The following BTLA variants were observed in gnomAD, a reference collection of about 807,000 sequenced individuals.
The protein encoded by BTLA is B and T lymphocyte associated.
Under a neutral mutation model 25.0 loss-of-function variants are expected in BTLA, and 11 were observed. The ratio of observed to expected loss-of-function variants is 0.44; its 90% confidence interval spans 0.28 to 0.73. The LOEUF is 0.73. Among genes scored for constraint, BTLA ranks in the 30% least tolerant of loss-of-function variants. The probability of loss-of-function intolerance (pLI) is 0.15; values close to 1 mark genes in which losing one functional copy is unlikely to be tolerated. For missense variants in BTLA, 282 were observed against 332.8 expected (o/e 0.85, Z 1.19); for synonymous variants, 104 against 119.8 (o/e 0.87, Z 0.86).
At position 112,479,607 on chromosome 3, in the gene BTLA, T is replaced by A. The variant is rs576114815; in HGVS notation, c.251A>T (p.Asp84Val). The A allele has an allele frequency of 6.2e-7, 1 of 1,614,162 alleles. No homozygotes were observed. The highest frequency in any genetic ancestry group is 1.1e-5 in the South Asian group (1 of 91,088). ...CTCTTCCTTCCAACTTGTTTGTCTATCTTCAAGTTTTACACATGTTGTTCC... is the reference window on the plus strand; with the variant it reads ...CTCTTCCTTCCAACTTGTTTGTCTAACTTCAAGTTTTACACATGTTGTTCC... The part of the protein sequence containing the change: ...LNGTTCVKLE[D>V]RQTSWKEEKN... Residue 84 changes from aspartate (D) to valine (V), a missense_variant, in exon 2 of 5, where the codon GAT becomes GTT. Transcript: ENST00000334529.
chr3:112,467,789 C>A (rs1177255070), intron 4 of BTLA, among the ~76,000 whole-genome samples: 2 of 152,208 alleles, frequency 1.3e-5, no homozygotes, highest in African/African-American at 4.8e-5. Flanking sequence ...CTGAAAAGAG[C>A]CTGGTTGAGG....
chr3:112,473,611 CTTTTTTTTTTT>C (rs777897332), intron 2 of BTLA, among the ~76,000 whole-genome samples: 1 of 115,154 alleles, frequency 8.7e-6, no homozygotes, highest in Non-Finnish European at 1.7e-5. Context: ...TTTTCTTCTT[CTTTTTTTTTTT>C]TTTTTTTTTT....
Position 112,479,787 on chromosome 3 carries a change from A to T in BTLA, c.89-18T>A, listed in dbSNP as rs375431722. 8.6e-5 allele frequency: 132 copies of T among 1,539,764 alleles called. No homozygotes were observed. Among genetic ancestry groups the T allele is most frequent in the Non-Finnish European group, 1.1e-4 (120 of 1,134,950 alleles). ...TTCTTTCCCTAAAAGATAAAAACAAAACTAAAATCAAATATGTTCTTCTGG... is the reference window on the plus strand; with the variant it reads ...TTCTTTCCCTAAAAGATAAAAACAATACTAAAATCAAATATGTTCTTCTGG... On this transcript the variant is annotated intron_variant, in intron 1 of 4. Coordinates refer to ENST00000334529, the MANE Select transcript of BTLA (RefSeq NM_181780.4).
At position 112,465,821 on chromosome 3, in the gene BTLA, T is replaced by C. The variant is rs561709388; in HGVS notation, c.*287A>G. The C allele has an allele frequency of 7.8e-6, 2 of 256,704 alleles. No individual in the cohort carries two copies. Among genetic ancestry groups the C allele is most frequent in the East Asian group, 1.5e-4 (2 of 13,708 alleles). 15.9% of individuals were successfully genotyped at this position (256,704 alleles called of 1,614,324 possible). ...GGCAAGATCGAGTTTGTATATTGGG[T>C]AAAATGTAGCTAAGTTTAAACGTTC... is the stretch of plus-strand genomic sequence containing the variant. On this transcript the variant is annotated 3_prime_UTR_variant, in exon 5 of 5. Transcript: ENST00000334529.
At chr3:112,472,883 C>A (rs1218707389) in intron 2 of BTLA, among the ~76,000 whole-genome samples, 2 of 151,928 alleles carry the variant, frequency 1.3e-5, no homozygotes, top group African/African-American at 4.8e-5. Context: ...AAACCACTGC[C>A]AGGAGTGCCA....
intron 1 of BTLA, among the ~76,000 whole-genome samples, chr3:112,490,639 AC>A (rs2082375047): frequency 6.8e-6 from 1 of 147,234 alleles, no homozygotes; most frequent in Non-Finnish European, 1.5e-5. Flanking sequence ...ACACACACAC[AC>A]AATGTAAAAT....
chr3:112,469,876 T>C, intron 3 of BTLA, 72 bp from the exon 4 acceptor site: 1 of 1,253,910 alleles, frequency 8.0e-7, no homozygotes, highest in Non-Finnish European at 1.1e-6. Context: ...TTGCCACCCA[T>C]GCTTATCCTG....
At chr3:112,487,297 G>A (rs977398242) in intron 1 of BTLA, among the ~76,000 whole-genome samples, 1 of 152,144 alleles carries the variant, frequency 6.6e-6, no homozygotes, top group South Asian at 2.1e-4. Flanking sequence ...TAATTAAAAG[G>A]AAACCGGCCG....
At chr3:112,484,172 CA>C (rs1339059870) in intron 1 of BTLA, among the ~76,000 whole-genome samples, 1 of 152,062 alleles carries the variant, frequency 6.6e-6, no homozygotes, top group Non-Finnish European at 1.5e-5. Context: ...CCAGGAATCT[CA>C]TGATAGATTT....
Position 112,466,164 on chromosome 3 carries a change from C to T in BTLA, c.814G>A (p.Ala272Thr), listed in dbSNP as rs1466721971. 26 of 1,610,924 alleles carry T rather than the reference C, an allele frequency of 1.6e-5. No individual in the cohort carries two copies. Among genetic ancestry groups the T allele is most frequent in the Non-Finnish European group, 2.2e-5 (26 of 1,177,646 alleles). ...HSVIGPNSRL[A>T]RNVKEAPTEY... The stretch of plus-strand genomic sequence containing the variant: ...GTTGGTGCTTCTTTTACATTTCTTG[C>T]CAGTCTTGAGTTCGGTCCAATGACA... The change falls in exon 5 of 5, where the codon GCA (alanine) becomes ACA (threonine). Residue 272 changes from alanine to threonine, a missense_variant. Physicochemically the swap from Ala to Thr is moderately conservative, Grantham distance 58 (BLOSUM62 0). This residue lies in a region of BTLA where 119 missense variants were observed against 102.3 expected (regional missense o/e 1.16). Coordinates refer to ENST00000334529, the MANE Select transcript of BTLA (RefSeq NM_181780.4).
At chr3:112,473,735 C>T (rs2082275197) in intron 2 of BTLA, among the ~76,000 whole-genome samples, 1 of 151,560 alleles carries the variant, frequency 6.6e-6, no homozygotes, top group Non-Finnish European at 1.5e-5. Context: ...CTGCTTCAGC[C>T]TCCTGAGTAG....
intron 2 of BTLA, among the ~76,000 whole-genome samples, chr3:112,476,086 C>A (rs1036689533): frequency 2.0e-5 from 3 of 152,110 alleles, no homozygotes; most frequent in Non-Finnish European, 4.4e-5. Flanking sequence ...ATTTAGTGAG[C>A]CCCTACCATG....
intron 2 of BTLA, among the ~76,000 whole-genome samples, chr3:112,478,551 A>G (rs913445835): frequency 3.9e-5 from 6 of 152,156 alleles, no homozygotes; most frequent in Non-Finnish European, 8.8e-5. Flanking sequence ...TTTTCTACAC[A>G]TAAGTTCATG....
intron 2 of BTLA, among the ~76,000 whole-genome samples, chr3:112,474,166 C>T (rs1288769111): frequency 3.3e-5 from 5 of 152,194 alleles, no homozygotes; most frequent in African/African-American, 9.6e-5. Context: ...AAGAAAGTCA[C>T]TTATAAAAAC....
intron 2 of BTLA, among the ~76,000 whole-genome samples, chr3:112,475,058 G>A (rs2082281793): frequency 6.6e-6 from 1 of 152,226 alleles, no homozygotes; most frequent in Admixed American, 6.5e-5. Context: ...AAGACAAAGA[G>A]TCCAATCATA....
chr3:112,492,609 A>C (rs1263629749), intron 1 of BTLA, among the ~76,000 whole-genome samples: 1 of 152,224 alleles, frequency 6.6e-6, no homozygotes, highest in Non-Finnish European at 1.5e-5. Flanking sequence ...CATCTCTAAT[A>C]CATTCTACCA....
chr3:112,493,928 C>CT (rs539382394), intron 1 of BTLA, among the ~76,000 whole-genome samples: 9 of 152,142 alleles, frequency 5.9e-5, no homozygotes, highest in Non-Finnish European at 1.3e-4. Context: ...CTGACTAACA[C>CT]GGTGAAACCT....
At chr3:112,496,117 T>G (rs981424865) in intron 1 of BTLA, among the ~76,000 whole-genome samples, 6 of 152,226 alleles carry the variant, frequency 3.9e-5, no homozygotes, top group Non-Finnish European at 1.5e-5. Flanking sequence ...TGTTCCTGCC[T>G]GCCTAAAAGT....
chr3:112,499,472 T>TAA (rs71631393), upstream of BTLA: 14,404 of 411,310 alleles, frequency 0.035, 154 homozygotes, highest in Admixed American at 0.08. Context: ...GTGAAATAAC[T>TAA]AAAAAAAAAA....
Sources: allele counts gnomAD v4.1 joint callset (sites outside exome capture counted in the v4.1 genomes callset), GRCh38; gene constraint gnomAD v4.1.1; regional missense constraint gnomAD v4.1.1; transcripts MANE v1.5; gene names NCBI Gene and HGNC (gene_info 2026-07-23, HGNC 2026-07-21).